Variants in KIRREL3 observed in about 807,000 individuals in gnomAD.
KIRREL3 encodes the protein kirre like nephrin family adhesion molecule 3.
In KIRREL3, 36 loss-of-function variants were observed where a neutral mutation model predicts 89.7. The observed-to-expected ratio is 0.40, with a 90% CI of 0.31 to 0.53. KIRREL3 has a LOEUF of 0.53. Ranked by LOEUF, KIRREL3 falls within the 20% of genes least tolerant of loss-of-function variation. The probability of loss-of-function intolerance (pLI) is 0.49; values close to 1 mark genes in which losing one functional copy is unlikely to be tolerated. For missense variants in KIRREL3, 864 were observed against 1,056.6 expected (o/e 0.82, Z 2.53); for synonymous variants, 445 against 441.4 (o/e 1.01, Z -0.10).
At chr11:126,962,888 C>T (rs1005804961) in intron 1 of KIRREL3, among the ~76,000 whole-genome samples, 17 of 152,212 alleles carry the variant, frequency 1.1e-4, no homozygotes, top group Admixed American at 1.0e-3. Context: ...GATTATAACT[C>T]GTTAAAGGCT....
chr11:126,842,873 C>G (rs934943882), intron 1 of KIRREL3, among the ~76,000 whole-genome samples: 9 of 152,202 alleles, frequency 5.9e-5, no homozygotes, highest in Non-Finnish European at 1.2e-4. Context: ...AATATCATAT[C>G]CTTTCAGTCA....
In KIRREL3 at chr11:126,843,959, C is replaced by T. The variant is rs761239696; in HGVS notation, c.55+156496G>A. ...GTCAAGAAATAATCATAAAAATGGGCAACCAGCAGCCCTCAGAACTGCTGT... is the reference window on the plus strand; with the variant it reads ...GTCAAGAAATAATCATAAAAATGGGTAACCAGCAGCCCTCAGAACTGCTGT... On this transcript the variant is annotated intron_variant, in intron 1 of 16. Coordinates refer to ENST00000525144, the MANE Select transcript of KIRREL3 (RefSeq NM_032531.4). This position sits in a 1 kb window ranked among gnomAD's most constrained non-coding sequence, Gnocchi z 4.6. 1.3e-5 allele frequency among the ~76,000 whole-genome samples: 2 copies of T among 152,182 alleles called. No homozygotes were observed. The highest frequency in any genetic ancestry group is 4.8e-5 in the African/African-American group (2 of 41,446).
At chr11:126,478,779 TTGTG>T (rs977702748) in intron 4 of KIRREL3, among the ~76,000 whole-genome samples, 1 of 151,908 alleles carries the variant, frequency 6.6e-6, no homozygotes, top group African/African-American at 2.4e-5. Context: ...ATATGTGTGT[TTGTG>T]TGTGTGCATG....
At position 126,605,426 on chromosome 11, in the gene KIRREL3, T is replaced by C. The variant is rs1942846718; in HGVS notation, c.56-42514A>G. ...ATTTGAGGCTCAGGGGGAGGAGTCC[T>C]GCGGTGACTGCTGTGAAGTGGTGTG... On this transcript the variant is annotated intron_variant, in intron 1 of 16. Transcript: ENST00000525144. This position sits in a 1 kb window ranked among gnomAD's most constrained non-coding sequence, Gnocchi z 5.7. Among the ~76,000 whole-genome samples the C allele has an allele frequency of 6.6e-6, 1 of 152,118 alleles. No homozygotes were observed. The highest frequency in any genetic ancestry group is 1.5e-5 in the Non-Finnish European group (1 of 68,018).
intron 1 of KIRREL3, among the ~76,000 whole-genome samples, chr11:126,749,565 A>G (rs1949267066): frequency 6.6e-6 from 1 of 152,182 alleles, no homozygotes; most frequent in African/African-American, 2.4e-5. Flanking sequence ...TAAAGGAAAT[A>G]GGATCATTTT....
In KIRREL3 at chr11:126,867,248, G is replaced by A. The variant is rs562005892; in HGVS notation, c.55+133207C>T. On this transcript the variant is annotated intron_variant, in intron 1 of 16. Coordinates refer to ENST00000525144, the MANE Select transcript of KIRREL3 (RefSeq NM_032531.4). This position sits in a 1 kb window ranked among gnomAD's most constrained non-coding sequence, Gnocchi z 4.7. ...CACTCCTATCACACAGCCTGCCATGGGGATAAAGGAAATTCTCCCGTTTCA... is the reference window on the plus strand; with the variant it reads ...CACTCCTATCACACAGCCTGCCATGAGGATAAAGGAAATTCTCCCGTTTCA... Among the ~76,000 whole-genome samples, 6 of 152,308 alleles carry A rather than the reference G, an allele frequency of 3.9e-5. No individual in the cohort carries two copies. In the South Asian group the frequency reaches 6.2e-4, roughly 16 times the overall value.
chr11:126,689,467 T>C lies in KIRREL3; in HGVS notation c.56-126555A>G, dbSNP rs1171204064. Among the ~76,000 whole-genome samples the C allele has an allele frequency of 6.6e-6, 1 of 152,202 alleles. No homozygotes were observed. Among genetic ancestry groups the C allele is most frequent in the Non-Finnish European group, 1.5e-5 (1 of 68,034 alleles). ...ACAGGGCTAGGCCACTTCTGCTCCT[T>C]GCAAGCTCCAAAGAGGAGGTCTCCT... On this transcript the variant is annotated intron_variant, in intron 1 of 16. Transcript: ENST00000525144. The surrounding 1 kb of genome is among the most constrained non-coding windows in gnomAD (Gnocchi z 5.2).
intron 1 of KIRREL3, among the ~76,000 whole-genome samples, chr11:126,839,420 G>A (rs1304935043): frequency 6.6e-6 from 1 of 152,168 alleles, no homozygotes; most frequent in Non-Finnish European, 1.5e-5. Context: ...AATTAACTGG[G>A]AATGGAAAGG....
Position 126,954,807 on chromosome 11 carries a change from T to C in KIRREL3, c.55+45648A>G, listed in dbSNP as rs1220586940. On this transcript the variant is annotated intron_variant, in intron 1 of 16. Transcript: ENST00000525144. This position sits in a 1 kb window ranked among gnomAD's most constrained non-coding sequence, Gnocchi z 4.1. ...AACTTTATCAGAAAGTTTTTTCTCA[T>C]AGAAGGCAGAAATTTATCTCCTGGA... 1.3e-5 allele frequency among the ~76,000 whole-genome samples: 2 copies of C among 152,180 alleles called. No homozygotes were observed. Among genetic ancestry groups the C allele is most frequent in the African/African-American group, 2.4e-5 (1 of 41,442 alleles).
rs1347202973 is a variant in KIRREL3 at position 126,523,367 on chromosome 11, C to T, written c.284-1903G>A. 1.8e-4 allele frequency among the ~76,000 whole-genome samples: 28 copies of T among 152,140 alleles called. No homozygotes were observed. The highest frequency in any genetic ancestry group is 3.7e-4 in the Non-Finnish European group (25 of 68,002). On this transcript the variant is annotated intron_variant, in intron 3 of 16. Coordinates refer to ENST00000525144, the MANE Select transcript of KIRREL3 (RefSeq NM_032531.4). This position sits in a 1 kb window ranked among gnomAD's most constrained non-coding sequence, Gnocchi z 4.9. Reference sequence around the variant, plus strand: ...GCCTCCCTGGGGGTGGGCTGTACAACGGGCCACCAGCACTTGTTCCTGGTC... The same window carrying T: ...GCCTCCCTGGGGGTGGGCTGTACAATGGGCCACCAGCACTTGTTCCTGGTC...
rs559469800 is a variant in KIRREL3 at position 126,466,554 on chromosome 11, C to T, written c.592-3247G>A. Among the ~76,000 whole-genome samples the T allele has an allele frequency of 1.5e-4, 23 of 152,338 alleles. No homozygotes were observed. In the East Asian group the frequency reaches 1.9e-3, roughly 13 times the overall value. ...GAGGGGCACGGGGGATCTGCACCCC[C>T]GGGTTTCTCTTCCCCCATTCCTTTC... On this transcript the variant is annotated intron_variant, in intron 5 of 16. Transcript: ENST00000525144.
chr11:126,941,512 G>GCAGC (rs1490774891), intron 1 of KIRREL3, among the ~76,000 whole-genome samples: 1 of 152,180 alleles, frequency 6.6e-6, no homozygotes, highest in Non-Finnish European at 1.5e-5. Context: ...TGATTCTCAG[G>GCAGC]CAGCCAGCCT....
At position 126,981,741 on chromosome 11, in the gene KIRREL3, G is replaced by A. The variant is rs758824368; in HGVS notation, c.55+18714C>T. 1.3e-5 allele frequency among the ~76,000 whole-genome samples: 2 copies of A among 152,090 alleles called. No homozygotes were observed. The highest frequency in any genetic ancestry group is 2.9e-5 in the Non-Finnish European group (2 of 68,006). ...TGAGCTTGGTGCCTGGGGAACTGGG[G>A]AAGGCCCCCGTTTCTACCAAAGAGG... On this transcript the variant is annotated intron_variant, in intron 1 of 16. Transcript: ENST00000525144. The surrounding 1 kb of genome is among the most constrained non-coding windows in gnomAD (Gnocchi z 4.2).
At position 126,587,150 on chromosome 11, in the gene KIRREL3, A is replaced by G. The variant is rs1941903406; in HGVS notation, c.56-24238T>C. On this transcript the variant is annotated intron_variant, in intron 1 of 16. Transcript: ENST00000525144. The surrounding 1 kb of genome is among the most constrained non-coding windows in gnomAD (Gnocchi z 5.2). ...ACCGGGATGATGTGTAGGGAGAGCC[A>G]CTCACCAGACATGGCAGTTCTTGGA... Among the ~76,000 whole-genome samples the G allele has an allele frequency of 6.6e-6, 1 of 152,066 alleles. No homozygotes were observed. The highest frequency in any genetic ancestry group is 2.1e-4 in the South Asian group (1 of 4,816).
At chr11:126,841,273 C>T (rs1456805548) in intron 1 of KIRREL3, among the ~76,000 whole-genome samples, 1 of 152,188 alleles carries the variant, frequency 6.6e-6, no homozygotes, top group Admixed American at 6.5e-5. Context: ...CTACAGCTTT[C>T]TTGCTTCAAG....
At chr11:126,713,404 C>T (rs1039272469) in intron 1 of KIRREL3, among the ~76,000 whole-genome samples, 4 of 152,184 alleles carry the variant, frequency 2.6e-5, no homozygotes, top group Admixed American at 6.5e-5. Flanking sequence ...AGATGTGAAG[C>T]GCCTTTTATG....
chr11:126,965,472 C>T lies in KIRREL3; in HGVS notation c.55+34983G>A, dbSNP rs951480562. Among the ~76,000 whole-genome samples, 1 of 152,120 alleles carries T rather than the reference C, an allele frequency of 6.6e-6. No homozygotes were observed. The highest frequency in any genetic ancestry group is 6.6e-5 in the Admixed American group (1 of 15,266). ...ATCACATTCTAATTCTCATACAATA[C>T]CTCTTCTCAGTAACAAGATGCTGGT... On this transcript the variant is annotated intron_variant, in intron 1 of 16. Coordinates refer to ENST00000525144, the MANE Select transcript of KIRREL3 (RefSeq NM_032531.4). The surrounding 1 kb of genome is among the most constrained non-coding windows in gnomAD (Gnocchi z 4.4).
intron 11 of KIRREL3, among the ~76,000 whole-genome samples, chr11:126,437,496 A>T (rs897396483): frequency 1.3e-5 from 2 of 148,718 alleles, no homozygotes; most frequent in Admixed American, 6.6e-5. Flanking sequence ...TACATGTACC[A>T]CAACACACAT....
chr11:126,984,692 A>G (rs11220687), intron 1 of KIRREL3, among the ~76,000 whole-genome samples: 8,356 of 152,210 alleles, frequency 0.055, 326 homozygotes, highest in South Asian at 0.18. Context: ...ACCACTTTTT[A>G]CCAGGAACTT....
Sources: gnomAD v4.1 joint callset for allele counts (sites outside exome capture counted in the v4.1 genomes callset) on GRCh38, gnomAD v4.1.1 for gene constraint, Gnocchi (gnomAD v3.1) non-coding constraint, MANE v1.5 for transcripts, NCBI Gene and HGNC (gene_info 2026-07-23, HGNC 2026-07-21) for gene names.